Variants in ULK4 observed in about 807,000 individuals in gnomAD.
The protein encoded by ULK4 is unc-51 like kinase 4, also known as inactive serine/threonine-protein kinase ULK4.
Under a neutral mutation model 160.6 loss-of-function variants are expected in ULK4, and 133 were observed. That is an observed-to-expected ratio of 0.83 (90% CI 0.72 to 0.96). ULK4 has a LOEUF of 0.96. Among genes scored for constraint, ULK4 ranks in the 40% least tolerant of loss-of-function variants. The probability of loss-of-function intolerance (pLI) is 0.00; values close to 1 mark genes in which losing one functional copy is unlikely to be tolerated. For missense variants in ULK4, 1,580 were observed against 1,499.5 expected (o/e 1.05, Z -0.89); for synonymous variants, 534 against 539.8 (o/e 0.99, Z 0.15).
In ULK4 at chr3:41,789,747, T is replaced by C. The variant is rs375920966; in HGVS notation, c.2107A>G (p.Ile703Val). The change falls in exon 21 of 37, where the codon ATC becomes GTC. Residue 703 changes from isoleucine to valine, a missense_variant. Physicochemically the swap from Ile to Val is conservative, Grantham distance 29 (BLOSUM62 3). Coordinates refer to ENST00000301831, the MANE Select transcript of ULK4 (RefSeq NM_017886.4). ...NSVINSLASAICKVQQYMLTL... is the reference protein window; with the variant it reads ...NSVINSLASAVCKVQQYMLTL... ...AACATGTACTGCTGAACTTTGCAGA[T>C]GGCAGAGGCCAGGGAGTTTATTACT... The C allele has an allele frequency of 4.3e-6, 7 of 1,613,810 alleles. No homozygotes were observed. The highest frequency in any genetic ancestry group is 3.3e-5 in the South Asian group (3 of 91,058).
intron 22 of ULK4, among the ~76,000 whole-genome samples, chr3:41,723,339 T>C (rs1038858024): frequency 3.3e-5 from 5 of 152,092 alleles, no homozygotes; most frequent in Admixed American, 6.5e-5. Context: ...GCATTAATTA[T>C]ATGGTCTGGA....
At chr3:41,361,602 TATGAG>T (rs1279976364) in intron 35 of ULK4, among the ~76,000 whole-genome samples, 1 of 152,242 alleles carries the variant, frequency 6.6e-6, no homozygotes, top group Non-Finnish European at 1.5e-5. Context: ...ACAACACTAC[TATGAG>T]ATAAGTTTTC....
At chr3:41,629,163 T>TTTCG (rs2033648969) in intron 30 of ULK4, among the ~76,000 whole-genome samples, 1 of 152,174 alleles carries the variant, frequency 6.6e-6, no homozygotes. Context: ...GGGTCATGAA[T>TTTCG]TTCGGCAGGA....
Position 41,431,547 on chromosome 3 carries a change from C to CATTTTTTTTTTTTTTTTTTTTT in ULK4, c.3492+23949_3492+23950insAAAAAAAAAAAAAAAAAAAAAT, listed in dbSNP as rs563543377. On this transcript the variant is annotated intron_variant, in intron 34 of 36. Transcript: ENST00000301831. Reference sequence around the variant, plus strand: ...CCTGTGAGGTGTTGTAATTCCCTCCCTTTTTTTTTTTTTTTGATGTGGAAA... The same window carrying CATTTTTTTTTTTTTTTTTTTTT: ...CCTGTGAGGTGTTGTAATTCCCTCCCATTTTTTTTTTTTTTTTTTTTTTTTTTTTTTTTTTTTGATGTGGAAA... Among the ~76,000 whole-genome samples, 29 of 95,866 alleles carry CATTTTTTTTTTTTTTTTTTTTT rather than the reference C, an allele frequency of 3.0e-4. 2 individuals carry two copies. The highest frequency in any genetic ancestry group is 0.011 in the Middle Eastern group (2 of 178). The allele number at this position is 95,866 out of a possible 152,430, so 62.9% of individuals were successfully genotyped here.
intron 31 of ULK4, among the ~76,000 whole-genome samples, chr3:41,582,195 T>G (rs920831663): frequency 5.3e-5 from 8 of 152,256 alleles, no homozygotes; most frequent in Admixed American, 2.0e-4. Flanking sequence ...GAAACCGCTT[T>G]CGTTTGGTCC....
chr3:41,870,077 T>A (rs1184282138), intron 17 of ULK4, among the ~76,000 whole-genome samples: 1 of 152,222 alleles, frequency 6.6e-6, no homozygotes, highest in African/African-American at 2.4e-5. Flanking sequence ...CACGCATTCA[T>A]ATAACTGTTT....
chr3:41,434,773 AT>A lies in ULK4; in HGVS notation c.3492+20723del, dbSNP rs1482813186. The stretch of plus-strand genomic sequence containing the variant: ...GTGAAAAGTCCCAGCATATAAATAT[AT>A]TTTTTATTATTGTTTTACATTATAG... On this transcript the variant is annotated intron_variant, in intron 34 of 36. Coordinates refer to ENST00000301831, the MANE Select transcript of ULK4 (RefSeq NM_017886.4). Among the ~76,000 whole-genome samples, 6 of 152,234 alleles carry A rather than the reference AT, an allele frequency of 3.9e-5. No individual in the cohort carries two copies. In the South Asian group the frequency reaches 6.2e-4, roughly 16 times the overall value.
At chr3:41,901,904 G>T (rs1358880112) in intron 12 of ULK4, among the ~76,000 whole-genome samples, 1 of 152,096 alleles carries the variant, frequency 6.6e-6, no homozygotes, top group Non-Finnish European at 1.5e-5. Context: ...TGCTACCTAA[G>T]TATTAAACCT....
intron 32 of ULK4, among the ~76,000 whole-genome samples, chr3:41,554,867 A>C (rs1427477185): frequency 6.6e-6 from 1 of 152,190 alleles, no homozygotes; most frequent in Non-Finnish European, 1.5e-5. Flanking sequence ...AGAAATAATA[A>C]AACAAAAAAC....
At chr3:41,934,597 T>C (rs1170116664) in intron 4 of ULK4, among the ~76,000 whole-genome samples, 9 of 152,186 alleles carry the variant, frequency 5.9e-5, no homozygotes, top group Admixed American at 1.3e-4. Flanking sequence ...TCTATCTCCA[T>C]GTGACAAAGA....
chr3:41,845,304 G>A (rs934640220), intron 17 of ULK4, among the ~76,000 whole-genome samples: 9 of 152,154 alleles, frequency 5.9e-5, no homozygotes, highest in African/African-American at 2.2e-4. Flanking sequence ...TAAATAAACT[G>A]TGATTCAACC....
At chr3:41,634,455 G>A (rs2033872083) in intron 30 of ULK4, among the ~76,000 whole-genome samples, 1 of 152,160 alleles carries the variant, frequency 6.6e-6, no homozygotes, top group Non-Finnish European at 1.5e-5. Context: ...GAGTCAGGAG[G>A]GCAGCCCTCC....
intron 22 of ULK4, among the ~76,000 whole-genome samples, chr3:41,732,724 T>C (rs1350211315): frequency 1.3e-5 from 2 of 152,116 alleles, no homozygotes; most frequent in East Asian, 3.8e-4. Context: ...AACCTACGTG[T>C]CCATCAATGA....
chr3:41,675,809 C>T (rs190444777), intron 29 of ULK4, among the ~76,000 whole-genome samples: 1 of 152,284 alleles, frequency 6.6e-6, no homozygotes, highest in Non-Finnish European at 1.5e-5. Flanking sequence ...AATGGATTCT[C>T]CCTCAGGGCA....
intron 31 of ULK4, among the ~76,000 whole-genome samples, chr3:41,576,191 A>G (rs2088183646): frequency 6.6e-6 from 1 of 152,236 alleles, no homozygotes; most frequent in African/African-American, 2.4e-5. Flanking sequence ...AAAAATAGCA[A>G]TAAAAATAGC....
intron 35 of ULK4, among the ~76,000 whole-genome samples, chr3:41,264,538 A>T (rs1319774554): frequency 6.6e-6 from 1 of 152,246 alleles, no homozygotes; most frequent in Non-Finnish European, 1.5e-5. Flanking sequence ...AAATAGTCCC[A>T]TTCTGAGCAA....
intron 12 of ULK4, among the ~76,000 whole-genome samples, chr3:41,902,697 T>C (rs1376283357): frequency 3.3e-5 from 5 of 151,844 alleles, no homozygotes; most frequent in African/African-American, 9.7e-5. Context: ...AGATGGACTT[T>C]CATGGTAAAA....
chr3:41,512,482 C>A (rs1047210499), intron 32 of ULK4, among the ~76,000 whole-genome samples: 1 of 152,046 alleles, frequency 6.6e-6, no homozygotes, highest in African/African-American at 2.4e-5. Context: ...CCTACAGCAA[C>A]CAAGCTGAGA....
chr3:41,526,317 T>C (rs1206944649), intron 32 of ULK4, among the ~76,000 whole-genome samples: 4 of 152,110 alleles, frequency 2.6e-5, no homozygotes, highest in African/African-American at 9.7e-5. Context: ...GCTGAAGAAG[T>C]GTGGAGAGGG....
Sources: allele counts gnomAD v4.1 joint callset (sites outside exome capture counted in the v4.1 genomes callset), GRCh38; gene constraint gnomAD v4.1.1; transcripts MANE v1.5; gene names NCBI Gene and HGNC (gene_info 2026-07-23, HGNC 2026-07-21).